Variants in CSMD2 observed in about 807,000 individuals in gnomAD.
CSMD2 encodes CUB and sushi domain-containing protein 2.
Under a neutral mutation model 398.5 loss-of-function variants are expected in CSMD2, and 130 were observed. The observed-to-expected ratio is 0.33, with a 90% CI of 0.28 to 0.38. The LOEUF (loss-of-function observed/expected upper bound fraction) is 0.38, where lower values mean the gene tolerates loss of function less well. Among genes scored for constraint, CSMD2 ranks in the 10% least tolerant of loss-of-function variants. The probability of loss-of-function intolerance (pLI) is 1.00; values close to 1 mark genes in which losing one functional copy is unlikely to be tolerated. For synonymous variants in CSMD2, 1,828 were observed against 1,908.5 expected, an observed-to-expected ratio of 0.96 and a Z score of 1.10; for missense variants, 3,829 against 4,764.9, an observed-to-expected ratio of 0.80 and a Z score of 5.78.
intron 10 of CSMD2, among the ~76,000 whole-genome samples, chr1:33,807,375 C>T (rs989629896): frequency 6.6e-6 from 1 of 152,164 alleles, no homozygotes; most frequent in Non-Finnish European, 1.5e-5. Context: ...CAAACCTGCA[C>T]ATGTACCCCC....
chr1:33,559,566 G>C lies in CSMD2; in HGVS notation c.8381-93C>G. ...TCACCTGGCATCTCTTAGGCCATCA[G>C]TGAAGTTCAGCCCTAAGTCTAACTT... On this transcript the variant is annotated intron_variant, in intron 53 of 70. Coordinates refer to ENST00000373381, the MANE Select transcript of CSMD2 (RefSeq NM_001281956.2). This position sits in a 1 kb window ranked among gnomAD's most constrained non-coding sequence, Gnocchi z 4.0. 1 of 1,142,462 alleles carries C rather than the reference G, an allele frequency of 8.8e-7. No individual in the cohort carries two copies. Among genetic ancestry groups the C allele is most frequent in the Admixed American group, 2.1e-5 (1 of 46,690 alleles). The allele number at this position is 1,142,462 out of a possible 1,614,324, so 70.8% of individuals were successfully genotyped here. A position where few individuals can be genotyped will look rare whatever the true frequency, so the allele number is the denominator to read the frequency against.
intron 13 of CSMD2, among the ~76,000 whole-genome samples, chr1:33,759,878 C>A (rs576896737): frequency 6.6e-6 from 1 of 152,132 alleles, no homozygotes; most frequent in Non-Finnish European, 1.5e-5. Flanking sequence ...GGGATTGTCC[C>A]AAGCAAATAG....
At chr1:33,702,875 A>G (rs1645655517) in intron 22 of CSMD2, among the ~76,000 whole-genome samples, 1 of 152,178 alleles carries the variant, frequency 6.6e-6, no homozygotes, top group African/African-American at 2.4e-5. Flanking sequence ...ATTTTGGGAT[A>G]TGATATACAA....
chr1:33,712,408 T>A (rs1005227932), intron 21 of CSMD2, among the ~76,000 whole-genome samples: 2 of 152,202 alleles, frequency 1.3e-5, no homozygotes, highest in Non-Finnish European at 2.9e-5. Context: ...TAGCACTATG[T>A]GGACTAAATC....
chr1:33,867,565 G>A (rs1640132897), intron 5 of CSMD2, among the ~76,000 whole-genome samples: 1 of 152,222 alleles, frequency 6.6e-6, no homozygotes, highest in Admixed American at 6.5e-5. Flanking sequence ...CAGCAATAGA[G>A]AATACATTAC....
At chr1:34,154,201 C>A (rs1229921623) in intron 1 of CSMD2, among the ~76,000 whole-genome samples, 1 of 152,170 alleles carries the variant, frequency 6.6e-6, no homozygotes, top group Admixed American at 6.5e-5. Context: ...GCACTTTACA[C>A]TCCTAAAAAT....
At chr1:33,996,615 C>T (rs887150287) in intron 3 of CSMD2, among the ~76,000 whole-genome samples, 2 of 152,200 alleles carry the variant, frequency 1.3e-5, no homozygotes, top group South Asian at 2.1e-4. Flanking sequence ...AGGCAGGCAG[C>T]TGGGGCATCC....
chr1:33,736,438 G>A (rs538674273), intron 15 of CSMD2, among the ~76,000 whole-genome samples: 18 of 151,570 alleles, frequency 1.2e-4, no homozygotes, highest in East Asian at 7.8e-4. Flanking sequence ...CCAAGATCAC[G>A]CCACTGCACT....
At chr1:33,922,186 C>A (rs1346473298) in intron 4 of CSMD2, among the ~76,000 whole-genome samples, 1 of 152,094 alleles carries the variant, frequency 6.6e-6, no homozygotes, top group Non-Finnish European at 1.5e-5. Context: ...ATCCCAGAGA[C>A]TGTGAGGCAG....
rs115640191 is a variant in CSMD2, at chr1:33,747,591, G to T, written c.1847-3985C>A. 6.3e-3 allele frequency among the ~76,000 whole-genome samples: 966 copies of T among 152,268 alleles called. 20 individuals are homozygous for T. The highest frequency in any genetic ancestry group is 0.022 in the African/African-American group (925 of 41,546). On this transcript the variant is annotated intron_variant, in intron 13 of 70. Coordinates refer to ENST00000373381, the MANE Select transcript of CSMD2 (RefSeq NM_001281956.2). The stretch of plus-strand genomic sequence containing the variant: ...CAAAGGAAACAACAAGGAAGCATGG[G>T]GTAGGGGGGTTGTAACGTAAGATGC...
intron 55 of CSMD2, among the ~76,000 whole-genome samples, chr1:33,553,380 C>T (rs2794607): frequency 0.35 from 52,797 of 151,994 alleles, 9,313 homozygotes; most frequent in Admixed American, 0.44. Flanking sequence ...GCGCCATGAA[C>T]CATGCACACA....
At chr1:33,803,596 A>G (rs1350430426) in intron 10 of CSMD2, among the ~76,000 whole-genome samples, 1 of 152,280 alleles carries the variant, frequency 6.6e-6, no homozygotes, top group Non-Finnish European at 1.5e-5. Flanking sequence ...ACAATATTGA[A>G]TAAGACCTCT....
intron 1 of CSMD2, among the ~76,000 whole-genome samples, chr1:34,090,767 C>T (rs57381501): frequency 0.046 from 6,966 of 152,266 alleles, 544 homozygotes; most frequent in African/African-American, 0.16. Flanking sequence ...TCACACTGCA[C>T]GCAGAAGGTG....
intron 5 of CSMD2, chr1:33,862,352 T>A (rs1057514420): frequency 1.7e-5 from 2 of 118,342 alleles, no homozygotes; most frequent in Admixed American, 7.7e-5. Flanking sequence ...TCTGTGTGTG[T>A]GTGTGTGTGT....
At chr1:33,581,353 C>CTT (rs1553146954) in intron 47 of CSMD2, among the ~76,000 whole-genome samples, 1 of 49,810 alleles carries the variant, frequency 2.0e-5, no homozygotes, top group Non-Finnish European at 3.6e-5. Flanking sequence ...CCCATCTTTA[C>CTT]TAAAAAAAAA....
chr1:33,522,467 T>C (rs891771142), intron 67 of CSMD2, among the ~76,000 whole-genome samples: 1 of 152,192 alleles, frequency 6.6e-6, no homozygotes, highest in African/African-American at 2.4e-5. Flanking sequence ...ACTTGGATTA[T>C]GAAGGGGACC....
Position 33,944,292 on chromosome 1 carries a change from C to T in CSMD2, c.518-8338G>A, listed in dbSNP as rs140338641. The stretch of plus-strand genomic sequence containing the variant: ...AAAGCTCAGTTTTGATGGGAGTCAA[C>T]GATGGGAAGGGACTGTGGGGCGAGT... On this transcript the variant is annotated intron_variant, in intron 3 of 70. Coordinates refer to ENST00000373381, the MANE Select transcript of CSMD2 (RefSeq NM_001281956.2). Among the ~76,000 whole-genome samples, 613 of 151,910 alleles carry T rather than the reference C, an allele frequency of 4.0e-3. 3 individuals carry two copies. The highest frequency in any genetic ancestry group is 0.014 in the African/African-American group (563 of 41,410).
Position 33,569,470 on chromosome 1 carries a change from T to C in CSMD2, c.8035A>G (p.Ile2679Val), listed in dbSNP as rs1659378071. 6.2e-7 allele frequency: 1 copy of C among 1,614,196 alleles called. No homozygotes were observed. Among genetic ancestry groups the C allele is most frequent in the Non-Finnish European group, 8.5e-7 (1 of 1,180,030 alleles). Reference protein sequence around the residue: ...GTLSVYGATAIFSCNSGYTLV... With the variant: ...GTLSVYGATAVFSCNSGYTLV... ...GTGTATCCGGAATTGCAGGAGAAGA[T>C]GGCTGTTGCCCCGTAGACAGACAGT... Residue 2679 changes from isoleucine (I) to valine (V), a missense_variant, in exon 52 of 71, where the codon ATC becomes GTC. Coordinates refer to ENST00000373381, the MANE Select transcript of CSMD2 (RefSeq NM_001281956.2).
At chr1:33,584,426 C>T (rs911787112) in intron 46 of CSMD2, among the ~76,000 whole-genome samples, 4 of 152,120 alleles carry the variant, frequency 2.6e-5, no homozygotes, top group African/African-American at 7.2e-5. Context: ...AATCCCAGCG[C>T]TGTGGGAGGC....
Sources: allele counts gnomAD v4.1 joint callset (sites outside exome capture counted in the v4.1 genomes callset), GRCh38; gene constraint gnomAD v4.1.1; non-coding constraint Gnocchi (gnomAD v3.1); transcripts MANE v1.5; gene names NCBI Gene and HGNC (gene_info 2026-07-23, HGNC 2026-07-21).